The following ACCS variants were observed in gnomAD, a reference collection of about 807,000 sequenced individuals.
The protein encoded by ACCS is 1-aminocyclopropane-1-carboxylate synthase-like protein 1.
In ACCS, 42 loss-of-function variants were observed where a neutral mutation model predicts 59.8. The observed-to-expected ratio is 0.70, with a 90% CI of 0.55 to 0.91. The LOEUF is 0.91. Among genes scored for constraint, ACCS ranks in the 40% least tolerant of loss-of-function variants. The pLI is 0.00. For synonymous variants in ACCS, 230 were observed against 240.3 expected (o/e 0.96, Z 0.40); for missense variants, 602 against 630.4 (o/e 0.95, Z 0.48).
intron 5 of ACCS, 74 bp downstream of exon 5, chr11:44,074,755 T>C (rs1323115911): frequency 3.1e-5 from 15 of 490,258 alleles, no homozygotes; most frequent in Non-Finnish European, 3.8e-5. Flanking sequence ...TTTCTTTCTT[T>C]CTTTCTTTCT....
intron 4 of ACCS, 72 bp downstream of exon 4, chr11:44,073,589 T>G (rs1953167973): frequency 2.7e-6 from 4 of 1,480,328 alleles, no homozygotes; most frequent in Non-Finnish European, 3.7e-6. Flanking sequence ...TTTTTGGTTG[T>G]TATAACTGGG....
intron 12 of ACCS, among the ~76,000 whole-genome samples, chr11:44,082,365 T>A (rs929558172): frequency 3.3e-5 from 5 of 152,188 alleles, no homozygotes; most frequent in African/African-American, 1.2e-4. Context: ...TAATCACCCA[T>A]AACTGGAACA....
chr11:44,083,108 T>C lies in ACCS; in HGVS notation c.1112-61T>C, dbSNP rs1464580075. ...GCCTTTTTCTTTACAGCATTTAGACTAGTGGGACCAAGTAGAGGGTTGATG... is the reference window on the plus strand; with the variant it reads ...GCCTTTTTCTTTACAGCATTTAGACCAGTGGGACCAAGTAGAGGGTTGATG... On this transcript the variant is annotated intron_variant, in intron 12 of 14. Transcript: ENST00000263776. 19 of 1,592,576 alleles carry C rather than the reference T, an allele frequency of 1.2e-5. No homozygotes were observed. The South Asian group carries it at 1.8e-4, about 15-fold the overall frequency.
intron 5 of ACCS, 76 bp downstream of exon 5, chr11:44,074,757 T>C (rs1329789092): frequency 4.0e-6 from 2 of 505,098 alleles, no homozygotes; most frequent in African/African-American, 2.3e-5. Flanking sequence ...TCTTTCTTTC[T>C]TTCTTTCTTT....
At chr11:44,072,927 C>A (rs1470833694) in intron 3 of ACCS, among the ~76,000 whole-genome samples, 1 of 152,170 alleles carries the variant, frequency 6.6e-6, no homozygotes, top group African/African-American at 2.4e-5. Flanking sequence ...GACAAAGGAC[C>A]TACAATACTA....
intron 2 of ACCS, 126 bp from the exon 3 acceptor site, chr11:44,071,130 G>A (rs1953029629): frequency 3.2e-6 from 3 of 932,618 alleles, no homozygotes; most frequent in African/African-American, 3.2e-5. Context: ...AAGGCAAGGA[G>A]GGATGTTTGA....
Position 44,081,187 on chromosome 11 carries a change from G to T in ACCS, c.978G>T (p.Gly326=), listed in dbSNP as rs1565183381. Residue 326 remains glycine (G), a synonymous_variant, in exon 12 of 15, where the codon GGG becomes GGT. Transcript: ENST00000263776. ...GGTGCTTCTTCCTGCAGGACTTCGGGATGTCTGGGCTCCGCTTTGGCACGC... is the reference window on the plus strand; with the variant it reads ...GGTGCTTCTTCCTGCAGGACTTCGGTATGTCTGGGCTCCGCTTTGGCACGC... ...HVMWATSKDF[G]MSGLRFGTLY... 1 of 1,614,242 alleles carries T rather than the reference G, an allele frequency of 6.2e-7. No individual in the cohort carries two copies. The highest frequency in any genetic ancestry group is 1.7e-5 in the Admixed American group (1 of 60,032).
intron 2 of ACCS, among the ~76,000 whole-genome samples, chr11:44,069,650 A>G (rs1015895066): frequency 1.3e-4 from 20 of 152,238 alleles, no homozygotes; most frequent in East Asian, 1.2e-3. Context: ...TCTACTTCCA[A>G]TGACACTCTT....
Position 44,083,728 on chromosome 11 carries a change from A to G in ACCS, c.1442A>G (p.Lys481Arg), listed in dbSNP as rs768201950. The change falls in exon 15 of 15, where the codon AAA (lysine) becomes AGA (arginine). Residue 481 changes from lysine (K) to arginine (R), a missense_variant. Coordinates refer to ENST00000263776, the MANE Select transcript of ACCS (RefSeq NM_032592.4). ...MQRVQQVLAG[K>R]SQVAEDPRPS... ...AGGGTCCAGCAGGTGCTTGCAGGCA[A>G]ATCCCAAGTGGCAGAAGACCCCCGT... is the stretch of plus-strand genomic sequence containing the variant. 9.3e-6 allele frequency: 15 copies of G among 1,614,068 alleles called. No homozygotes were observed. The highest frequency in any genetic ancestry group is 1.2e-5 in the Non-Finnish European group (14 of 1,179,960).
intron 3 of ACCS, 48 bp downstream of exon 3, chr11:44,071,363 GT>G: frequency 6.3e-7 from 1 of 1,599,012 alleles, no homozygotes; most frequent in Non-Finnish European, 8.6e-7. Context: ...CCGAGGAGCT[GT>G]CTTCCCTGGA....
At position 44,067,801 on chromosome 11, in the gene ACCS, T is replaced by C. The variant is rs768407099; in HGVS notation, c.174T>C (p.Ser58=). 5 of 1,614,166 alleles carry C rather than the reference T, an allele frequency of 3.1e-6. No individual in the cohort carries two copies. Among genetic ancestry groups the C allele is most frequent in the Non-Finnish European group, 4.2e-6 (5 of 1,180,018 alleles). The change falls in exon 2 of 15, where the codon TCT becomes TCC. Residue 58 remains serine (S), a synonymous_variant. Transcript: ENST00000263776. The stretch of plus-strand genomic sequence containing the variant: ...TGGGTGATCCTGCCATGATCTCCTC[T>C]GATACCTCCTACCTGTCCTCTAGAG... The part of the protein sequence containing the change: ...RGVGDPAMIS[S]DTSYLSSRGR...
chr11:44,079,420 C>G, intron 9 of ACCS, 111 bp from the exon 10 acceptor site: 1 of 821,316 alleles, frequency 1.2e-6, no homozygotes, highest in Non-Finnish European at 2.0e-6. Flanking sequence ...GTTTGGTAAC[C>G]CCGGGCTAGA....
chr11:44,068,238 T>G (rs1952884237), intron 2 of ACCS, among the ~76,000 whole-genome samples: 1 of 152,208 alleles, frequency 6.6e-6, no homozygotes, highest in South Asian at 2.1e-4. Context: ...TGCAACTGTT[T>G]TACTTATAGG....
chr11:44,075,793 T>C (rs1953333253), intron 6 of ACCS: 1 of 581,222 alleles, frequency 1.7e-6, no homozygotes, highest in East Asian at 2.8e-5. Context: ...GTCAGGGTCC[T>C]GGGCTTTCTC....
At position 44,077,859 on chromosome 11, in the gene ACCS, C is replaced by T; in HGVS notation, c.669C>T (p.Asp223=). The T allele has an allele frequency of 1.9e-6, 3 of 1,613,898 alleles. No individual in the cohort carries two copies. Among genetic ancestry groups the T allele is most frequent in the Non-Finnish European group, 1.7e-6 (2 of 1,179,916 alleles). The change falls in exon 8 of 15, where the codon GAC becomes GAT. Residue 223 remains aspartate, a synonymous_variant. Coordinates refer to ENST00000263776, the MANE Select transcript of ACCS (RefSeq NM_032592.4). Reference sequence around the variant, plus strand: ...TCTTTTTCCAGGTCACTGGGCTAGACACACGCCCCTTCCAGCTCACAGTGG... The same window carrying T: ...TCTTTTTCCAGGTCACTGGGCTAGATACACGCCCCTTCCAGCTCACAGTGG... ...VYLDSEVTGL[D]TRPFQLTVEK... is the part of the protein sequence containing the mutation.
At chr11:44,069,131 T>C (rs1952926863) in intron 2 of ACCS, among the ~76,000 whole-genome samples, 1 of 152,242 alleles carries the variant, frequency 6.6e-6, no homozygotes, top group African/African-American at 2.4e-5. Context: ...ACAAATGACC[T>C]CAAATCTAGC....
chr11:44,083,384 G>A (rs1345137513), intron 13 of ACCS, 40 bp from the exon 14 acceptor site: 9 of 1,612,956 alleles, frequency 5.6e-6, no homozygotes, highest in African/African-American at 1.3e-5. Context: ...CAGTTGGTGA[G>A]GGGTCTCAGC....
chr11:44,080,966 T>A, intron 10 of ACCS, 54 bp from the exon 11 acceptor site: 1 of 1,602,958 alleles, frequency 6.2e-7, no homozygotes, highest in South Asian at 1.1e-5. Context: ...ACCAAACACA[T>A]GTGGGTTTCC....
intron 9 of ACCS, chr11:44,079,138 A>G (rs1212552097): frequency 8.2e-6 from 3 of 367,278 alleles, no homozygotes; most frequent in Non-Finnish European, 1.5e-5. Context: ...CCTTACAACA[A>G]TCCTTACAAC....
Sources: allele counts gnomAD v4.1 joint callset (sites outside exome capture counted in the v4.1 genomes callset), GRCh38; gene constraint gnomAD v4.1.1; transcripts MANE v1.5; gene names NCBI Gene and HGNC (gene_info 2026-07-23, HGNC 2026-07-21).